NCKAP5: variants seen among roughly 807,000 people sequenced by gnomAD.
NCKAP5 encodes nck-associated protein 5.
In NCKAP5, 92 loss-of-function variants were observed where a neutral mutation model predicts 167.0. The observed-to-expected ratio is 0.55, with a 90% CI of 0.47 to 0.66. NCKAP5 has a LOEUF of 0.66. NCKAP5 is among the 30% of genes least tolerant of loss of function. The probability of loss-of-function intolerance (pLI) is 0.00; values close to 1 mark genes in which losing one functional copy is unlikely to be tolerated. For synonymous variants in NCKAP5, 891 were observed against 877.4 expected, an observed-to-expected ratio of 1.02 and a Z score of -0.27; for missense variants, 2,378 against 2,315.0, an observed-to-expected ratio of 1.03 and a Z score of -0.56.
intron 3 of NCKAP5, among the ~76,000 whole-genome samples, chr2:133,434,770 T>C (rs1690367329): frequency 6.6e-6 from 1 of 152,224 alleles, no homozygotes; most frequent in Admixed American, 6.5e-5. Context: ...AATGGTTGAC[T>C]ATAAAGGATT....
At chr2:132,978,502 G>C (rs548989656) in intron 7 of NCKAP5, among the ~76,000 whole-genome samples, 4 of 152,154 alleles carry the variant, frequency 2.6e-5, no homozygotes, top group African/African-American at 9.7e-5. Flanking sequence ...GAGGTGGTTG[G>C]ATGCTGGAGG....
At chr2:133,341,925 T>C (rs1683614101) in intron 3 of NCKAP5, among the ~76,000 whole-genome samples, 1 of 152,194 alleles carries the variant, frequency 6.6e-6, no homozygotes, top group Non-Finnish European at 1.5e-5. Context: ...TGAATAGAAT[T>C]TTAAAAAGGA....
At chr2:133,406,669 A>G (rs1688456934) in intron 3 of NCKAP5, among the ~76,000 whole-genome samples, 1 of 152,202 alleles carries the variant, frequency 6.6e-6, no homozygotes, top group Non-Finnish European at 1.5e-5. Flanking sequence ...AATTTATCAG[A>G]TAAATAAAAG....
At chr2:133,485,485 G>T (rs147045874) in intron 3 of NCKAP5, among the ~76,000 whole-genome samples, 1 of 152,128 alleles carries the variant, frequency 6.6e-6, no homozygotes, top group Non-Finnish European at 1.5e-5. Context: ...TATCTTCCAA[G>T]AAAACTAATA....
chr2:133,107,210 G>A (rs75429750), intron 6 of NCKAP5, among the ~76,000 whole-genome samples: 6,526 of 152,174 alleles, frequency 0.043, 242 homozygotes, highest in African/African-American at 0.11. Flanking sequence ...CACGGCCAGC[G>A]CCCACTACCT....
chr2:133,442,614 G>A (rs377763490), intron 3 of NCKAP5, among the ~76,000 whole-genome samples: 10 of 152,314 alleles, frequency 6.6e-5, no homozygotes, highest in South Asian at 2.1e-4. Flanking sequence ...TTGCCCCAGG[G>A]CTGAGGGCCA....
At chr2:133,515,308 T>G (rs1683890895) in intron 3 of NCKAP5, among the ~76,000 whole-genome samples, 1 of 152,048 alleles carries the variant, frequency 6.6e-6, no homozygotes, top group African/African-American at 2.4e-5. Context: ...GGGGCAAAAT[T>G]GTAGTAACTT....
At chr2:133,514,317 G>A (rs1683791748) in intron 3 of NCKAP5, among the ~76,000 whole-genome samples, 1 of 152,160 alleles carries the variant, frequency 6.6e-6, no homozygotes, top group South Asian at 2.1e-4. Context: ...ATTTCAGTGT[G>A]TTACCAGGGC....
At chr2:132,963,629 A>T in intron 8 of NCKAP5, 91 bp downstream of exon 8, 1 of 1,323,840 alleles carries the variant, frequency 7.6e-7, no homozygotes, top group South Asian at 1.3e-5. Flanking sequence ...CTCAAAAGGG[A>T]AGATTTATAC....
chr2:132,995,827 T>A (rs1234487886), intron 6 of NCKAP5, among the ~76,000 whole-genome samples: 2 of 151,564 alleles, frequency 1.3e-5, no homozygotes, highest in Non-Finnish European at 2.9e-5. Flanking sequence ...ATACAAAAAT[T>A]AGCCGGGTGT....
At chr2:132,907,892 C>T (rs915936389) in intron 8 of NCKAP5, among the ~76,000 whole-genome samples, 3 of 151,940 alleles carry the variant, frequency 2.0e-5, no homozygotes, top group African/African-American at 4.8e-5. Flanking sequence ...CTCCTGACCT[C>T]GTGATCCTCC....
At chr2:132,890,225 T>C (rs1209666217) in intron 8 of NCKAP5, among the ~76,000 whole-genome samples, 2 of 152,176 alleles carry the variant, frequency 1.3e-5, no homozygotes, top group Non-Finnish European at 2.9e-5. Context: ...CAGCCAAAAA[T>C]GTGCTGCTTT....
intron 3 of NCKAP5, chr2:133,391,439 T>C (rs373004147): frequency 6.6e-6 from 1 of 152,378 alleles, no homozygotes; most frequent in South Asian, 2.1e-4. Context: ...CCCTGTTACT[T>C]AGACTATAGA....
chr2:133,020,462 T>C (rs1203896008), intron 6 of NCKAP5, among the ~76,000 whole-genome samples: 2 of 151,550 alleles, frequency 1.3e-5, no homozygotes, highest in Non-Finnish European at 2.9e-5. Flanking sequence ...TTTTCAGGAG[T>C]CAACAGGACT....
rs751005516 is a variant in NCKAP5, at chr2:133,152,265, G to C, written c.208-22154C>G. On this transcript the variant is annotated intron_variant, in intron 5 of 19. Coordinates refer to ENST00000409261, the MANE Select transcript of NCKAP5 (RefSeq NM_207363.3). ...CTCGACAAAGTTAGGGATGGCGCCA[G>C]AGGAATGTGAGCTTTACTTTACTTT... Among the ~76,000 whole-genome samples, 7 of 152,150 alleles carry C rather than the reference G, an allele frequency of 4.6e-5. 1 individual carries two copies. The highest frequency in any genetic ancestry group is 1.3e-4 in the Admixed American group (2 of 15,270).
the NCKAP5 span, among the ~76,000 whole-genome samples, chr2:133,593,167 C>T: frequency 6.6e-6 from 1 of 152,190 alleles, no homozygotes; most frequent in Non-Finnish European, 1.5e-5. Flanking sequence ...GAACCCAGAA[C>T]TACTTCTTTA....
intron 6 of NCKAP5, among the ~76,000 whole-genome samples, chr2:133,057,890 C>T (rs1427566555): frequency 5.3e-5 from 8 of 152,224 alleles, no homozygotes; most frequent in Non-Finnish European, 2.9e-5. Context: ...CAAAGCCTGG[C>T]TTTAACGGCT....
At chr2:132,848,885 C>G (rs931978585) in intron 11 of NCKAP5, among the ~76,000 whole-genome samples, 5 of 152,080 alleles carry the variant, frequency 3.3e-5, no homozygotes, top group Admixed American at 3.3e-4. Context: ...AAGCTAAAAA[C>G]AACTGTTTTT....
intron 6 of NCKAP5, among the ~76,000 whole-genome samples, chr2:133,056,671 ATAT>A (rs1361968452): frequency 1.3e-5 from 2 of 152,232 alleles, no homozygotes; most frequent in Non-Finnish European, 2.9e-5. Context: ...TATTAAACAC[ATAT>A]TATCAATGAC....
Sources: allele counts gnomAD v4.1 joint callset (sites outside exome capture counted in the v4.1 genomes callset), GRCh38; gene constraint gnomAD v4.1.1; transcripts MANE v1.5; gene names NCBI Gene and HGNC (gene_info 2026-07-23, HGNC 2026-07-21).